Variants in LRFN2 observed in about 807,000 individuals in gnomAD.
The protein encoded by LRFN2 is leucine rich repeat and fibronectin type III domain containing 2.
A neutral mutation model predicts 37.3 loss-of-function variants in LRFN2; 18 were observed. That is an observed-to-expected ratio of 0.48 (90% CI 0.33 to 0.72). The LOEUF is 0.72. LRFN2 is among the 30% of genes least tolerant of loss of function. The probability of loss-of-function intolerance (pLI) is 0.02; values close to 1 mark genes in which losing one functional copy is unlikely to be tolerated. For synonymous variants in LRFN2, 556 were observed against 466.6 expected (o/e 1.19, Z -2.47); for missense variants, 1,006 against 1,060.7 (o/e 0.95, Z 0.72).
At chr6:40,574,836 G>T (rs1767248227) in intron 1 of LRFN2, among the ~76,000 whole-genome samples, 1 of 152,102 alleles carries the variant, frequency 6.6e-6, no homozygotes, top group Non-Finnish European at 1.5e-5. Context: ...TGGCTCCTTG[G>T]AGTCATGGGA....
intron 1 of LRFN2, among the ~76,000 whole-genome samples, chr6:40,510,983 A>G (rs1765690091): frequency 1.3e-5 from 2 of 152,170 alleles, no homozygotes; most frequent in African/African-American, 2.4e-5. Flanking sequence ...TGCAAGAAGA[A>G]AGGATAGAGC....
intron 1 of LRFN2, among the ~76,000 whole-genome samples, chr6:40,442,703 A>C (rs1488916357): frequency 2.0e-5 from 3 of 152,160 alleles, no homozygotes; most frequent in Non-Finnish European, 4.4e-5. Flanking sequence ...CTGTATACCA[A>C]GGATAAGCCC....
intron 1 of LRFN2, among the ~76,000 whole-genome samples, chr6:40,541,555 C>CAT (rs998649045): frequency 6.6e-6 from 1 of 152,184 alleles, no homozygotes; most frequent in African/African-American, 2.4e-5. Flanking sequence ...TAAAGGCAGA[C>CAT]ATCAGGGTGC....
At chr6:40,544,964 G>A (rs898781692) in intron 1 of LRFN2, among the ~76,000 whole-genome samples, 2 of 152,198 alleles carry the variant, frequency 1.3e-5, no homozygotes, top group Admixed American at 1.3e-4. Context: ...GGAGTGTTGG[G>A]TAGTGGTTAG....
intron 1 of LRFN2, among the ~76,000 whole-genome samples, chr6:40,439,383 C>T (rs1763776650): frequency 1.3e-5 from 2 of 152,180 alleles, no homozygotes; most frequent in Admixed American, 1.3e-4. Context: ...TCCAGACTTC[C>T]CCTCCCAGAG....
intron 1 of LRFN2, among the ~76,000 whole-genome samples, chr6:40,457,448 C>T (rs1047361917): frequency 3.3e-5 from 5 of 151,652 alleles, no homozygotes; most frequent in Non-Finnish European, 7.4e-5. Flanking sequence ...GTGGAGCTTG[C>T]CTTATTGTCA....
chr6:40,584,660 C>G (rs2113802607), intron 1 of LRFN2, among the ~76,000 whole-genome samples: 1 of 152,194 alleles, frequency 6.6e-6, no homozygotes, highest in Non-Finnish European at 1.5e-5. Flanking sequence ...CAATTAATTC[C>G]AATTTCACTT....
chr6:40,557,054 C>G (rs527400813), intron 1 of LRFN2, among the ~76,000 whole-genome samples: 5 of 152,198 alleles, frequency 3.3e-5, no homozygotes, highest in South Asian at 4.1e-4. Flanking sequence ...CTGGCTCCCC[C>G]ATCCCCATCT....
At chr6:40,459,341 T>G (rs533832456) in intron 1 of LRFN2, among the ~76,000 whole-genome samples, 1 of 152,330 alleles carries the variant, frequency 6.6e-6, no homozygotes, top group South Asian at 2.1e-4. Context: ...ACTTCAATTG[T>G]GAGGGACGAT....
intron 1 of LRFN2, among the ~76,000 whole-genome samples, chr6:40,447,843 G>A (rs1347168484): frequency 6.6e-6 from 1 of 152,180 alleles, no homozygotes; most frequent in Non-Finnish European, 1.5e-5. Context: ...CTCTCAAAGA[G>A]CTCTGTAGAT....
intron 1 of LRFN2, among the ~76,000 whole-genome samples, chr6:40,534,069 G>C (rs1446321733): frequency 6.6e-6 from 1 of 152,204 alleles, no homozygotes; most frequent in Non-Finnish European, 1.5e-5. Context: ...GAGAGACTAA[G>C]TAGCTTGCCC....
chr6:40,451,050 T>A (rs1474240762), intron 1 of LRFN2, among the ~76,000 whole-genome samples: 1 of 152,200 alleles, frequency 6.6e-6, no homozygotes, highest in East Asian at 1.9e-4. Context: ...TGTTGTTTCC[T>A]CAAACTAAAG....
chr6:40,524,769 A>G (rs766049534), intron 1 of LRFN2, among the ~76,000 whole-genome samples: 3 of 152,216 alleles, frequency 2.0e-5, no homozygotes, highest in Non-Finnish European at 2.9e-5. Flanking sequence ...ACAGAAGCTT[A>G]TAGAAAACTG....
intron 1 of LRFN2, among the ~76,000 whole-genome samples, chr6:40,462,448 G>A (rs1561865586): frequency 6.6e-6 from 1 of 152,122 alleles, no homozygotes; most frequent in Non-Finnish European, 1.5e-5. Context: ...CTCAGTATGT[G>A]ATTCATAGCC....
chr6:40,411,544 A>G (rs1762967659), intron 2 of LRFN2, among the ~76,000 whole-genome samples: 1 of 152,134 alleles, frequency 6.6e-6, no homozygotes, highest in African/African-American at 2.4e-5. Flanking sequence ...GTCTGGCCCC[A>G]CTGCCTCTCT....
rs1239450239 is a variant in LRFN2 at position 40,503,430 on chromosome 6, C to T, written c.-18-70299G>A. Among the ~76,000 whole-genome samples the T allele has an allele frequency of 2.6e-5, 4 of 152,258 alleles. No homozygotes were observed. In the East Asian group the frequency reaches 7.7e-4, roughly 29 times the overall value. On this transcript the variant is annotated intron_variant, in intron 1 of 2. Transcript: ENST00000338305. Reference sequence around the variant, plus strand: ...GACACTTAGCTGCTCACTGGTGCAGCCGATGGAGGGCGGTCCTCTGGGACA... The same window carrying T: ...GACACTTAGCTGCTCACTGGTGCAGTCGATGGAGGGCGGTCCTCTGGGACA...
chr6:40,452,936 C>T (rs927843103), intron 1 of LRFN2, among the ~76,000 whole-genome samples: 20 of 152,082 alleles, frequency 1.3e-4, no homozygotes, highest in African/African-American at 4.3e-4. Flanking sequence ...CACACTAGCC[C>T]CCTAGGGCAA....
chr6:40,439,468 A>G (rs759813894), intron 1 of LRFN2, among the ~76,000 whole-genome samples: 31 of 152,198 alleles, frequency 2.0e-4, no homozygotes, highest in Non-Finnish European at 3.1e-4. Flanking sequence ...GGGTGGGGAA[A>G]GGAAACTTGA....
intron 1 of LRFN2, among the ~76,000 whole-genome samples, chr6:40,513,390 C>G (rs1418906301): frequency 6.6e-6 from 1 of 152,028 alleles, no homozygotes; most frequent in Admixed American, 6.6e-5. Context: ...CATGCCACCA[C>G]GTCCAGCTAA....
Sources: allele counts gnomAD v4.1 joint callset (sites outside exome capture counted in the v4.1 genomes callset), GRCh38; gene constraint gnomAD v4.1.1; transcripts MANE v1.5; gene names NCBI Gene and HGNC (gene_info 2026-07-23, HGNC 2026-07-21).